The following WDFY4 variants were observed in gnomAD, a reference collection of about 807,000 sequenced individuals.
The protein encoded by WDFY4 is WDFY family member 4, also known as WD repeat- and FYVE domain-containing protein 4.
A neutral mutation model predicts 351.9 loss-of-function variants in WDFY4; 169 were observed. The observed-to-expected ratio is 0.48, with a 90% confidence interval of 0.42 to 0.55. The LOEUF (loss-of-function observed/expected upper bound fraction) is 0.55, where lower values mean the gene tolerates loss of function less well. Among genes scored for constraint, WDFY4 ranks in the 20% least tolerant of loss-of-function variants. WDFY4 has a pLI of 0.00. For missense variants in WDFY4, 3,803 were observed against 3,935.6 expected (o/e 0.97, Z 0.90); for synonymous variants, 1,622 against 1,574.6 (o/e 1.03, Z -0.71).
chr10:48,746,559 C>T (rs898151447), intron 12 of WDFY4, among the ~76,000 whole-genome samples: 2 of 151,586 alleles, frequency 1.3e-5, no homozygotes, highest in Non-Finnish European at 2.9e-5. Flanking sequence ...CATTTGTTTA[C>T]GCTTTCATAA....
At position 48,970,308 on chromosome 10, in the gene WDFY4, AGG is replaced by A; in HGVS notation, c.8928+20_8928+21del. ...CCGGCAGGTATGGTCCAGCTCGTGC[AGG>A]TGCGGTCCTCAGGTGGGGACAGTAC... On this transcript the variant is annotated intron_variant, in intron 57 of 61. Coordinates refer to ENST00000325239, the MANE Select transcript of WDFY4 (RefSeq NM_001394531.1). The A allele has an allele frequency of 6.5e-7, 1 of 1,547,856 alleles. No homozygotes were observed. The highest frequency in any genetic ancestry group is 8.7e-7 in the Non-Finnish European group (1 of 1,146,884).
intron 47 of WDFY4, among the ~76,000 whole-genome samples, chr10:48,941,018 C>T (rs1840725268): frequency 6.6e-6 from 1 of 152,150 alleles, no homozygotes; most frequent in South Asian, 2.1e-4. Flanking sequence ...TACTTTTTAA[C>T]CCAGTAGCAC....
At chr10:48,976,664 T>G in intron 58 of WDFY4, 133 bp from the exon 59 acceptor site, 1 of 773,760 alleles carries the variant, frequency 1.3e-6, no homozygotes, top group South Asian at 5.8e-5. Flanking sequence ...GGAAAGAAGT[T>G]TTGGGGTACC....
At chr10:48,907,754 G>A (rs1837694292) in intron 47 of WDFY4, among the ~76,000 whole-genome samples, 1 of 152,166 alleles carries the variant, frequency 6.6e-6, no homozygotes, top group Non-Finnish European at 1.5e-5. Flanking sequence ...AGATCTGTAA[G>A]GTACACAAAT....
At chr10:48,809,253 CCACCATCAT>C (rs1438798115) in intron 28 of WDFY4, among the ~76,000 whole-genome samples, 4 of 149,510 alleles carry the variant, frequency 2.7e-5, no homozygotes, top group African/African-American at 4.9e-5. Context: ...ATCACCACCA[CCACCATCAT>C]CACCATCATC....
chr10:48,903,398 G>T (rs1820598582), intron 47 of WDFY4, among the ~76,000 whole-genome samples: 2 of 152,330 alleles, frequency 1.3e-5, no homozygotes, highest in South Asian at 4.1e-4. Context: ...TGGGTCAAAG[G>T]CAGAAGCTGG....
intron 28 of WDFY4, among the ~76,000 whole-genome samples, chr10:48,809,334 C>A (rs1009990005): frequency 2.9e-4 from 43 of 146,686 alleles, no homozygotes; most frequent in African/African-American, 1.1e-3. Flanking sequence ...ATCACCCTCA[C>A]CACCATCACC....
chr10:48,863,591 G>T (rs980651178), intron 39 of WDFY4, among the ~76,000 whole-genome samples: 4 of 151,888 alleles, frequency 2.6e-5, no homozygotes, highest in African/African-American at 9.7e-5. Context: ...GTATATTCTA[G>T]ATATGAGTCC....
rs753035938 is a variant in WDFY4 at position 48,830,794 on chromosome 10, C to T, written c.6435C>T (p.Leu2145=). 6.4e-7 allele frequency: 1 copy of T among 1,551,586 alleles called. No individual in the cohort carries two copies. The highest frequency in any genetic ancestry group is 1.4e-5 in the African/African-American group (1 of 73,036). Residue 2145 remains leucine (L), a synonymous_variant, in exon 38 of 62, where the codon CTC becomes CTT. Coordinates refer to ENST00000325239, the MANE Select transcript of WDFY4 (RefSeq NM_001394531.1). ...TGGAGGATGCCTTCAAGATCGATCTCTCTGTGAAACCTGGAGAGAGGGAAG... is the reference window on the plus strand; with the variant it reads ...TGGAGGATGCCTTCAAGATCGATCTTTCTGTGAAACCTGGAGAGAGGGAAG... ...QTLEDAFKID[L]SVKPGEREVK...
intron 4 of WDFY4, among the ~76,000 whole-genome samples, chr10:48,721,859 G>T (rs943636973): frequency 6.6e-6 from 1 of 152,152 alleles, no homozygotes; most frequent in Admixed American, 6.5e-5. Flanking sequence ...CATGCTCTGA[G>T]CCACTGTTCT....
Position 48,914,186 on chromosome 10 carries a change from A to T in WDFY4, c.7586+12323A>T, listed in dbSNP as rs79003434. The T allele has an allele frequency of 1.2e-5, 19 of 1,589,802 alleles. No individual in the cohort carries two copies. In the East Asian group the frequency reaches 4.3e-4, roughly 36 times the overall value. On this transcript the variant is annotated intron_variant, in intron 47 of 61. Transcript: ENST00000325239. ...TTTAGTAAGGGAGTGTTAGAAGTTT[A>T]TTGTTCTGATTGGATAGTGATCAGT...
chr10:48,858,282 A>G (rs746640692), intron 39 of WDFY4, among the ~76,000 whole-genome samples: 6 of 152,198 alleles, frequency 3.9e-5, no homozygotes, highest in Non-Finnish European at 8.8e-5. Flanking sequence ...GTCTTAATAT[A>G]AAATCTAAGA....
At chr10:48,937,228 T>A (rs1840438503) in intron 47 of WDFY4, among the ~76,000 whole-genome samples, 1 of 152,234 alleles carries the variant, frequency 6.6e-6, no homozygotes, top group East Asian at 1.9e-4. Context: ...CAGCCTCATA[T>A]TATGGCATAG....
At chr10:48,765,641 C>T (rs138574806) in intron 13 of WDFY4, among the ~76,000 whole-genome samples, 127 of 152,270 alleles carry the variant, frequency 8.3e-4, no homozygotes, top group Middle Eastern at 6.8e-3. Flanking sequence ...AGGAATTAAG[C>T]GACAGAATCA....
At chr10:48,908,464 GA>G (rs1346190680) in intron 47 of WDFY4, among the ~76,000 whole-genome samples, 3 of 152,194 alleles carry the variant, frequency 2.0e-5, no homozygotes, top group African/African-American at 7.2e-5. Flanking sequence ...TTAGCCGGCT[GA>G]GCCGAGGTTA....
In WDFY4 at chr10:48,880,696, T is replaced by G. The variant is rs11101547; in HGVS notation, c.7167+3497T>G. Among the ~76,000 whole-genome samples the G allele has an allele frequency of 8.5e-3, 1,297 of 152,228 alleles. 18 individuals carry two copies. Among genetic ancestry groups the G allele is most frequent in the African/African-American group, 0.03 (1,233 of 41,542 alleles). On this transcript the variant is annotated intron_variant, in intron 43 of 61. Coordinates refer to ENST00000325239, the MANE Select transcript of WDFY4 (RefSeq NM_001394531.1). ...TCCTGGCCCAGAGGACTGGGCAGAG[T>G]GACCCTTGCCATTATCTAGGCATCC...
intron 31 of WDFY4, 27 bp from the exon 32 acceptor site, chr10:48,817,218 C>T (rs1181447653): frequency 5.2e-6 from 8 of 1,550,256 alleles, no homozygotes; most frequent in African/African-American, 2.7e-5. Context: ...TGCTGCCCTG[C>T]ACTACCTCTC....
At chr10:48,698,949 A>G (rs1375792792) in intron 1 of WDFY4, among the ~76,000 whole-genome samples, 1 of 152,142 alleles carries the variant, frequency 6.6e-6, no homozygotes, top group Non-Finnish European at 1.5e-5. Context: ...TGAGTCCGAA[A>G]TCAGTCCGCT....
intron 51 of WDFY4, among the ~76,000 whole-genome samples, chr10:48,955,969 G>A (rs1179578416): frequency 6.6e-6 from 1 of 152,186 alleles, no homozygotes; most frequent in Non-Finnish European, 1.5e-5. Context: ...GTGAACTATT[G>A]AATCCCAGGC....
Sources: gnomAD v4.1 joint callset for allele counts (sites outside exome capture counted in the v4.1 genomes callset) on GRCh38, gnomAD v4.1.1 for gene constraint, MANE v1.5 for transcripts, NCBI Gene and HGNC (gene_info 2026-07-23, HGNC 2026-07-21) for gene names.